Variants in SYT1 observed in about 807,000 individuals in gnomAD.
SYT1 encodes synaptotagmin 1, also known as synaptotagmin-1.
In SYT1, 8 loss-of-function variants were observed where a neutral mutation model predicts 44.8. That is an observed-to-expected ratio of 0.18 (90% CI 0.10 to 0.32). The LOEUF is 0.32. SYT1 is among the 10% of genes least tolerant of loss of function. The pLI, the probability that SYT1 is intolerant of heterozygous loss-of-function variation, is 1.00. For synonymous variants in SYT1, 154 were observed against 188.8 expected (o/e 0.82, Z 1.51); for missense variants, 286 against 509.3 (o/e 0.56, Z 4.22).
chr12:79,116,890 C>A (rs180715110), intron 3 of SYT1, among the ~76,000 whole-genome samples: 1 of 152,148 alleles, frequency 6.6e-6, no homozygotes, highest in Non-Finnish European at 1.5e-5. Flanking sequence ...CTCCTCTCCC[C>A]CTCCAGTGAG....
At chr12:79,001,718 T>C (rs1472575780) in intron 2 of SYT1, among the ~76,000 whole-genome samples, 1 of 152,188 alleles carries the variant, frequency 6.6e-6, no homozygotes, top group Non-Finnish European at 1.5e-5. Flanking sequence ...GAACAGCATA[T>C]TGTAAAGTGT....
intron 1 of SYT1, among the ~76,000 whole-genome samples, chr12:78,950,012 A>G (rs573321070): frequency 2.6e-5 from 4 of 152,146 alleles, no homozygotes; most frequent in African/African-American, 7.2e-5. Context: ...TTTTCTGTTA[A>G]CCCACAATTC....
chr12:79,087,568 C>G (rs747265323), intron 3 of SYT1, among the ~76,000 whole-genome samples: 4 of 152,014 alleles, frequency 2.6e-5, no homozygotes, highest in Non-Finnish European at 4.4e-5. Flanking sequence ...AGTTCCTAGT[C>G]TGGTGGAGGG....
chr12:79,162,359 T>G (rs993665000), intron 3 of SYT1, among the ~76,000 whole-genome samples: 10 of 152,112 alleles, frequency 6.6e-5, no homozygotes, highest in Admixed American at 1.3e-4. Flanking sequence ...GTGGGCAAAA[T>G]GCACTTCAAA....
At chr12:78,996,152 G>A (rs1243473081) in intron 2 of SYT1, among the ~76,000 whole-genome samples, 1 of 152,170 alleles carries the variant, frequency 6.6e-6, no homozygotes, top group Admixed American at 6.6e-5. Context: ...TTACTTGGTT[G>A]AAAGATCTCT....
At chr12:79,006,148 A>G (rs1208179353) in intron 2 of SYT1, among the ~76,000 whole-genome samples, 2 of 152,102 alleles carry the variant, frequency 1.3e-5, no homozygotes, top group African/African-American at 4.8e-5. Flanking sequence ...TAAAAATACA[A>G]TTTCTATTTT....
At chr12:79,137,795 C>T (rs1869296559) in intron 3 of SYT1, among the ~76,000 whole-genome samples, 1 of 151,960 alleles carries the variant, frequency 6.6e-6, no homozygotes, top group South Asian at 2.1e-4. Flanking sequence ...ATCATGTTAA[C>T]TCTTTGTTAG....
intron 4 of SYT1, among the ~76,000 whole-genome samples, chr12:79,257,115 CA>C (rs1339359847): frequency 2.0e-5 from 3 of 152,224 alleles, no homozygotes; most frequent in South Asian, 4.1e-4. Context: ...TAGCATGTAT[CA>C]AAATTCAATT....
intron 9 of SYT1, among the ~76,000 whole-genome samples, chr12:79,419,065 C>G (rs570181954): frequency 6.6e-6 from 1 of 152,146 alleles, no homozygotes; most frequent in African/African-American, 2.4e-5. Context: ...GAACATCTAA[C>G]TTCAGCTTAC....
intron 10 of SYT1, among the ~76,000 whole-genome samples, chr12:79,446,578 C>A (rs970812447): frequency 6.6e-6 from 1 of 152,000 alleles, no homozygotes; most frequent in Non-Finnish European, 1.5e-5. Flanking sequence ...CTTAAATGAC[C>A]AAAAATAACC....
At chr12:79,282,952 C>G (rs180906771) in intron 4 of SYT1, among the ~76,000 whole-genome samples, 3 of 152,106 alleles carry the variant, frequency 2.0e-5, no homozygotes, top group Non-Finnish European at 4.4e-5. Context: ...AATATTGAAA[C>G]ATGTTTCTAC....
At chr12:78,906,658 A>G (rs1305556174) in intron 1 of SYT1, among the ~76,000 whole-genome samples, 1 of 152,058 alleles carries the variant, frequency 6.6e-6, no homozygotes, top group African/African-American at 2.4e-5. Context: ...TAAACAGAGG[A>G]TTCATTCTGC....
intron 4 of SYT1, among the ~76,000 whole-genome samples, chr12:79,278,608 GA>G (rs1878870123): frequency 6.6e-6 from 1 of 151,932 alleles, no homozygotes; most frequent in East Asian, 1.9e-4. Flanking sequence ...CAAGGAACTA[GA>G]AAAACAAGAA....
chr12:79,373,692 G>A (rs1025891579), intron 9 of SYT1, among the ~76,000 whole-genome samples: 21 of 151,938 alleles, frequency 1.4e-4, no homozygotes, highest in African/African-American at 4.1e-4. Context: ...ATATCACATC[G>A]ACTGAAGTTT....
intron 9 of SYT1, among the ~76,000 whole-genome samples, chr12:79,364,343 A>C (rs1448647923): frequency 1.3e-5 from 2 of 152,092 alleles, no homozygotes; most frequent in Non-Finnish European, 2.9e-5. Flanking sequence ...GACAGTCATA[A>C]AGGCATTTTC....
At chr12:79,019,760 C>A (rs1299544740) in intron 2 of SYT1, among the ~76,000 whole-genome samples, 11 of 151,898 alleles carry the variant, frequency 7.2e-5, no homozygotes, top group Non-Finnish European at 1.5e-4. Context: ...ATTAGAGAAA[C>A]CAGGAGTAAA....
intron 3 of SYT1, among the ~76,000 whole-genome samples, chr12:79,132,692 A>C (rs951175945): frequency 3.3e-5 from 5 of 150,708 alleles, no homozygotes; most frequent in African/African-American, 1.2e-4. Context: ...AAAAAAAAAA[A>C]AAAAAAAAAC....
At chr12:79,163,568 A>G (rs939519058) in intron 3 of SYT1, among the ~76,000 whole-genome samples, 4 of 152,126 alleles carry the variant, frequency 2.6e-5, no homozygotes, top group Non-Finnish European at 5.9e-5. Context: ...AAAGAACTTG[A>G]GTAGCCTCAC....
At chr12:78,899,369 A>G (rs1390992405) in intron 1 of SYT1, among the ~76,000 whole-genome samples, 1 of 152,020 alleles carries the variant, frequency 6.6e-6, no homozygotes, top group African/African-American at 2.4e-5. Context: ...AATTATGCTA[A>G]TGATGAAAGG....
Sources: gnomAD v4.1 joint callset for allele counts (sites outside exome capture counted in the v4.1 genomes callset) on GRCh38, gnomAD v4.1.1 for gene constraint, MANE v1.5 for transcripts, NCBI Gene and HGNC (gene_info 2026-07-23, HGNC 2026-07-21) for gene names.